ANKRD30B: variants seen among roughly 807,000 people sequenced by gnomAD.
The protein encoded by ANKRD30B is ankyrin repeat domain-containing protein 30B.
ANKRD30B carries 144 observed loss-of-function variants against 202.2 expected under a neutral mutation model. That is an observed-to-expected ratio of 0.71 (90% confidence interval 0.62 to 0.82). The LOEUF (loss-of-function observed/expected upper bound fraction) is 0.82, where lower values mean the gene tolerates loss of function less well. Ranked by LOEUF, ANKRD30B falls within the 40% of genes least tolerant of loss-of-function variation. The probability of loss-of-function intolerance (pLI) is 0.00; values close to 1 mark genes in which losing one functional copy is unlikely to be tolerated. For missense variants in ANKRD30B, 1,487 were observed against 1,669.1 expected (o/e 0.89, Z 1.90); for synonymous variants, 508 against 561.3 (o/e 0.91, Z 1.34).
At chr18:14,799,328 T>A in intron 22 of ANKRD30B, 33 bp downstream of exon 22, 1 of 1,476,396 alleles carries the variant, frequency 6.8e-7, no homozygotes, top group South Asian at 1.3e-5. Context: ...TACTCTGGAA[T>A]TAAGAATATT....
chr18:14,863,525 A>C, the ANKRD30B span, among the ~76,000 whole-genome samples: 1 of 152,206 alleles, frequency 6.6e-6, no homozygotes, highest in East Asian at 1.9e-4. Context: ...TACTGCCTGC[A>C]CAACTATAAA....
chr18:14,756,063 C>G (rs1408537365), intron 4 of ANKRD30B, among the ~76,000 whole-genome samples: 1 of 152,180 alleles, frequency 6.6e-6, no homozygotes, highest in African/African-American at 2.4e-5. Flanking sequence ...TCTCCAGCAC[C>G]TGTTGTTTCC....
Position 14,815,820 on chromosome 18 carries a change from G to C in ANKRD30B, c.2641+1109G>C, listed in dbSNP as rs140302490. ...GCTTATTATATTTGCTATTCCTGAT[G>C]AGTTTTGTACATCTTCCTCCATGAG... On this transcript the variant is annotated intron_variant, in intron 30 of 43. Transcript: ENST00000690538. Among the ~76,000 whole-genome samples the C allele has an allele frequency of 3.4e-3, 512 of 152,300 alleles. 5 individuals are homozygous for C. Among genetic ancestry groups the C allele is most frequent in the African/African-American group, 0.011 (461 of 41,562 alleles).
At chr18:14,788,539 C>T (rs1316900271) in intron 15 of ANKRD30B, among the ~76,000 whole-genome samples, 2 of 151,946 alleles carry the variant, frequency 1.3e-5, no homozygotes, top group Non-Finnish European at 2.9e-5. Flanking sequence ...TGCTATCCCT[C>T]CCCGCTCCCC....
chr18:14,805,086 T>C (rs1431014836), intron 24 of ANKRD30B, among the ~76,000 whole-genome samples: 5 of 150,626 alleles, frequency 3.3e-5, no homozygotes. Flanking sequence ...TATGTATATA[T>C]TTTGTTGATA....
At chr18:14,772,252 G>C in intron 9 of ANKRD30B, 24 bp downstream of exon 9, 1 of 1,411,500 alleles carries the variant, frequency 7.1e-7, no homozygotes, top group Non-Finnish European at 9.5e-7. Flanking sequence ...TTGTGAAGTT[G>C]ATTTTCTCAG....
chr18:14,906,111 C>T, the ANKRD30B span, among the ~76,000 whole-genome samples: 6 of 152,116 alleles, frequency 3.9e-5, no homozygotes, highest in East Asian at 1.2e-3. Context: ...AAGTATATGC[C>T]ACACATTGTT....
At chr18:14,867,938 C>T in the ANKRD30B span, among the ~76,000 whole-genome samples, 4 of 152,242 alleles carry the variant, frequency 2.6e-5, no homozygotes, top group Non-Finnish European at 5.9e-5. Context: ...TGCTCCAAGC[C>T]AGGCTGATGA....
the ANKRD30B span, among the ~76,000 whole-genome samples, chr18:14,927,521 C>T: frequency 2.0e-5 from 3 of 152,170 alleles, no homozygotes; most frequent in Admixed American, 6.6e-5. Flanking sequence ...CCATGGACAG[C>T]ACAGGAGGCC....
At chr18:14,823,396 A>G (rs1422814892) in intron 32 of ANKRD30B, among the ~76,000 whole-genome samples, 2 of 150,800 alleles carry the variant, frequency 1.3e-5, no homozygotes, top group Non-Finnish European at 2.9e-5. Flanking sequence ...TTTACTTTGA[A>G]TAAAGTTTCA....
At chr18:14,774,307 G>A (rs1259583065) in intron 9 of ANKRD30B, among the ~76,000 whole-genome samples, 1 of 152,070 alleles carries the variant, frequency 6.6e-6, no homozygotes, top group East Asian at 1.9e-4. Flanking sequence ...TTTAATGACT[G>A]AAGCTCATAC....
chr18:14,915,267 T>C, the ANKRD30B span, among the ~76,000 whole-genome samples: 1 of 152,142 alleles, frequency 6.6e-6, no homozygotes, highest in African/African-American at 2.4e-5. Flanking sequence ...TGTCTGAAGG[T>C]CACTAGACTA....
At chr18:14,899,892 C>A in the ANKRD30B span, among the ~76,000 whole-genome samples, 1 of 152,040 alleles carries the variant, frequency 6.6e-6, no homozygotes, top group Non-Finnish European at 1.5e-5. Flanking sequence ...AATGAATGAA[C>A]TTATTTACAT....
chr18:14,829,508 G>A (rs1790717376), intron 33 of ANKRD30B, among the ~76,000 whole-genome samples: 1 of 152,132 alleles, frequency 6.6e-6, no homozygotes, highest in Admixed American at 6.5e-5. Flanking sequence ...ATCAGGGAAA[G>A]GCCAAGTTTG....
chr18:14,930,852 G>A, the ANKRD30B span, among the ~76,000 whole-genome samples: 1 of 152,192 alleles, frequency 6.6e-6, no homozygotes, highest in East Asian at 1.9e-4. Flanking sequence ...TGAATGCTCT[G>A]ATAATTTTCT....
chr18:14,937,915 G>T, the ANKRD30B span, among the ~76,000 whole-genome samples: 2 of 152,186 alleles, frequency 1.3e-5, no homozygotes, highest in African/African-American at 2.4e-5. Context: ...ACTGTTCCTT[G>T]CTGGCCTGGA....
At chr18:14,800,397 G>A (rs569708904) in intron 22 of ANKRD30B, among the ~76,000 whole-genome samples, 105 of 150,838 alleles carry the variant, frequency 7.0e-4, no homozygotes, top group Non-Finnish European at 1.1e-3. Context: ...TGATCTTGGC[G>A]CACTGCAAGC....
At chr18:14,864,387 T>C in the ANKRD30B span, among the ~76,000 whole-genome samples, 1 of 152,012 alleles carries the variant, frequency 6.6e-6, no homozygotes, top group African/African-American at 2.4e-5. Context: ...CCTGAAATCA[T>C]ATCAATTATT....
rs992723006 is a variant in ANKRD30B at position 14,796,564 on chromosome 18, G to C, written c.1927+149G>C. 232 of 1,120,624 alleles carry C rather than the reference G, an allele frequency of 2.1e-4. 1 individual carries two copies. Among genetic ancestry groups the C allele is most frequent in the Non-Finnish European group, 1.5e-5 (12 of 806,896 alleles). The allele number at this position is 1,120,624 out of a possible 1,614,324, so 69.4% of individuals were successfully genotyped here. On this transcript the variant is annotated intron_variant, in intron 18 of 43. Coordinates refer to ENST00000690538, the MANE Select transcript of ANKRD30B (RefSeq NM_001367607.2). ...AATGCCAATGTTAGCATTTATGTTT[G>C]AGAAAATGCCATTTACAAGCATAAG...
Sources: gnomAD v4.1 joint callset for allele counts (sites outside exome capture counted in the v4.1 genomes callset) on GRCh38, gnomAD v4.1.1 for gene constraint, MANE v1.5 for transcripts, NCBI Gene and HGNC (gene_info 2026-07-23, HGNC 2026-07-21) for gene names.